The following ANKRD28 variants were observed in gnomAD, a reference collection of about 807,000 sequenced individuals.
The protein encoded by ANKRD28 is serine/threonine-protein phosphatase 6 regulatory ankyrin repeat subunit A.
In ANKRD28, 44 loss-of-function variants were observed where a neutral mutation model predicts 126.5. The ratio of observed to expected loss-of-function variants is 0.35; its 90% CI spans 0.27 to 0.45. ANKRD28 has a LOEUF of 0.45. ANKRD28 is among the 20% of genes least tolerant of loss of function. The pLI is 1.00. For synonymous variants in ANKRD28, 442 were observed against 468.5 expected (o/e 0.94, Z 0.73); for missense variants, 1,110 against 1,316.6 (o/e 0.84, Z 2.43).
At chr3:15,689,015 T>TA (rs2068474332) in intron 18 of ANKRD28, among the ~76,000 whole-genome samples, 1 of 152,254 alleles carries the variant, frequency 6.6e-6, no homozygotes, top group Admixed American at 6.5e-5. Flanking sequence ...TTTCAGAAGT[T>TA]AGATTATTAC....
chr3:15,718,417 A>G (rs1178688328), intron 8 of ANKRD28, among the ~76,000 whole-genome samples: 2 of 152,164 alleles, frequency 1.3e-5, no homozygotes, highest in African/African-American at 4.8e-5. Flanking sequence ...TGAGTTTTCT[A>G]AATTATTAAG....
chr3:15,795,196 CT>C (rs2060220279), intron 2 of ANKRD28, 26 bp downstream of exon 2: 1 of 1,461,644 alleles, frequency 6.8e-7, no homozygotes, highest in African/African-American at 1.4e-5. Context: ...GTTTTAAAGG[CT>C]GGCATCAGTG....
At chr3:15,776,891 A>C (rs2059291645) in intron 2 of ANKRD28, among the ~76,000 whole-genome samples, 1 of 152,240 alleles carries the variant, frequency 6.6e-6, no homozygotes, top group South Asian at 2.1e-4. Context: ...AGAAAACAAA[A>C]GCTCTGAAAT....
intron 18 of ANKRD28, among the ~76,000 whole-genome samples, chr3:15,689,434 C>G (rs971644815): frequency 6.6e-6 from 1 of 152,228 alleles, no homozygotes; most frequent in African/African-American, 2.4e-5. Flanking sequence ...GCCACTGCCC[C>G]CTGAGGGGCC....
chr3:15,770,751 G>A lies in ANKRD28; in HGVS notation c.202-4439C>T, dbSNP rs116973625. ...GAGAAGTCTCTTAATTCAATCTCCCGGAAGAATATCTGATTGGCTTAATTT... is the reference window on the plus strand; with the variant it reads ...GAGAAGTCTCTTAATTCAATCTCCCAGAAGAATATCTGATTGGCTTAATTT... On this transcript the variant is annotated intron_variant, in intron 2 of 27. Transcript: ENST00000683139. Among the ~76,000 whole-genome samples, 189 of 152,046 alleles carry A rather than the reference G, an allele frequency of 1.2e-3. 3 individuals are homozygous for A. In the East Asian group the frequency reaches 0.024, roughly 19 times the overall value.
intron 1 of ANKRD28, among the ~76,000 whole-genome samples, chr3:15,834,569 A>G (rs1232903117): frequency 1.3e-5 from 2 of 152,166 alleles, no homozygotes; most frequent in African/African-American, 4.8e-5. Context: ...AGTCAATCAA[A>G]GGGGAAAAAA....
Position 15,816,828 on chromosome 3 carries a change from G to A in ANKRD28, c.28-21522C>T, listed in dbSNP as rs914661226. Among the ~76,000 whole-genome samples the A allele has an allele frequency of 1.3e-5, 2 of 152,126 alleles. No individual in the cohort carries two copies. The highest frequency in any genetic ancestry group is 4.8e-5 in the African/African-American group (2 of 41,434). On this transcript the variant is annotated intron_variant, in intron 1 of 27. Coordinates refer to the ANKRD28 transcript ENST00000399451. The surrounding 1 kb of genome is among the most constrained non-coding windows in gnomAD (Gnocchi z 5.0). ...AGGATAATGAGTAAATCCAAACTGA[G>A]AGTAAATATGTGCATAGGTTGTGCA...
At chr3:15,808,404 C>T (rs2060635422) in intron 1 of ANKRD28, among the ~76,000 whole-genome samples, 1 of 152,184 alleles carries the variant, frequency 6.6e-6, no homozygotes, top group Admixed American at 6.5e-5. Context: ...TGGCTTTCTA[C>T]CTCAGAGAGG....
Position 15,680,764 on chromosome 3 carries a change from C to CTG in ANKRD28, c.2390-1202_2390-1201insCA, listed in dbSNP as rs1378258217. Among the ~76,000 whole-genome samples, 1,051 of 152,176 alleles carry CTG rather than the reference C, an allele frequency of 6.9e-3. 13 individuals are homozygous for CTG. Among genetic ancestry groups the CTG allele is most frequent in the African/African-American group, 0.024 (1,005 of 41,492 alleles). ...CTCTGCAGTCTCAACCTCCTGGGCT[C>CTG]AAGTGATCCTCCCACCTCAGCCTCC... On this transcript the variant is annotated intron_variant, in intron 21 of 27. Coordinates refer to ENST00000683139, the MANE Select transcript of ANKRD28 (RefSeq NM_001349278.2).
intron 3 of ANKRD28, among the ~76,000 whole-genome samples, chr3:15,755,983 T>C (rs1033506775): frequency 7.2e-5 from 11 of 152,218 alleles, no homozygotes; most frequent in African/African-American, 2.7e-4. Context: ...GTGAGTACTA[T>C]AAACCAATAT....
At chr3:15,857,445 A>G (rs2126011010) in intron 1 of ANKRD28, among the ~76,000 whole-genome samples, 1 of 152,244 alleles carries the variant, frequency 6.6e-6, no homozygotes, top group Middle Eastern at 3.4e-3. Context: ...CCACCACACC[A>G]GACTAATTTT....
At chr3:15,745,415 T>C (rs746529121) in intron 4 of ANKRD28, among the ~76,000 whole-genome samples, 1 of 152,208 alleles carries the variant, frequency 6.6e-6, no homozygotes, top group Non-Finnish European at 1.5e-5. Context: ...GATGATACAG[T>C]TTCCTTCTTC....
intron 14 of ANKRD28, among the ~76,000 whole-genome samples, chr3:15,698,056 T>A (rs2069932106): frequency 6.6e-6 from 1 of 152,244 alleles, no homozygotes; most frequent in African/African-American, 2.4e-5. Flanking sequence ...GTAGTTTGTA[T>A]TTCTTTGAGC....
At chr3:15,741,160 T>C (rs942134366) in intron 4 of ANKRD28, among the ~76,000 whole-genome samples, 25 of 151,820 alleles carry the variant, frequency 1.6e-4, no homozygotes, top group Non-Finnish European at 3.2e-4. Context: ...GATCGCGCCA[T>C]TGCACTCCAG....
At chr3:15,726,589 A>G (rs1300358924) in intron 6 of ANKRD28, among the ~76,000 whole-genome samples, 3 of 152,364 alleles carry the variant, frequency 2.0e-5, no homozygotes, top group South Asian at 4.1e-4. Flanking sequence ...TTAACGAAAA[A>G]AGATGTCCCT....
chr3:15,838,948 A>G lies in ANKRD28; in HGVS notation c.27+20429T>C, dbSNP rs567211645. ...TCAGCAACGAAGAACCAATTAATACATGTTACAACATGAATGAACCTCAAC... is the reference window on the plus strand; with the variant it reads ...TCAGCAACGAAGAACCAATTAATACGTGTTACAACATGAATGAACCTCAAC... On this transcript the variant is annotated intron_variant, in intron 1 of 27. Coordinates refer to the ANKRD28 transcript ENST00000399451. This position sits in a 1 kb window ranked among gnomAD's most constrained non-coding sequence, Gnocchi z 4.0. Among the ~76,000 whole-genome samples, 1 of 152,230 alleles carries G rather than the reference A, an allele frequency of 6.6e-6. No individual in the cohort carries two copies. Among genetic ancestry groups the G allele is most frequent in the Non-Finnish European group, 1.5e-5 (1 of 68,042 alleles).
chr3:15,744,568 C>G (rs1186895847), intron 4 of ANKRD28, among the ~76,000 whole-genome samples: 3 of 151,968 alleles, frequency 2.0e-5, no homozygotes, highest in East Asian at 3.9e-4. Context: ...CTGCCCACCT[C>G]AGCCTCCCAA....
chr3:15,826,729 T>A (rs2061074824), intron 1 of ANKRD28, among the ~76,000 whole-genome samples: 2 of 152,278 alleles, frequency 1.3e-5, no homozygotes, highest in South Asian at 4.1e-4. Flanking sequence ...AGATCACTGA[T>A]TGGTCTGAGT....
Position 15,668,923 on chromosome 3 carries a change from T to C in ANKRD28, c.*1347A>G, listed in dbSNP as rs971892913. ...TTACCCATACCTGTAAGACCCTCAA[T>C]GTATATGAAATCATTTTCACTGGGA... On this transcript the variant is annotated 3_prime_UTR_variant, in exon 28 of 28. Coordinates refer to ENST00000683139, the MANE Select transcript of ANKRD28 (RefSeq NM_001349278.2). 1.3e-5 allele frequency: 2 copies of C among 152,642 alleles called. No homozygotes were observed. The highest frequency in any genetic ancestry group is 2.9e-5 in the Non-Finnish European group (2 of 68,036). 9.5% of individuals were successfully genotyped at this position (152,642 alleles called of 1,614,324 possible).
Sources: allele counts gnomAD v4.1 joint callset (sites outside exome capture counted in the v4.1 genomes callset), GRCh38; gene constraint gnomAD v4.1.1; non-coding constraint Gnocchi (gnomAD v3.1); transcripts MANE v1.5; gene names NCBI Gene and HGNC (gene_info 2026-07-23, HGNC 2026-07-21).